RNF216: variants seen among roughly 807,000 people sequenced by gnomAD.
The protein encoded by RNF216 is E3 ubiquitin-protein ligase RNF216.
Under a neutral mutation model 110.8 loss-of-function variants are expected in RNF216, and 72 were observed. The ratio of observed to expected loss-of-function variants is 0.65; its 90% CI spans 0.54 to 0.79. The LOEUF is 0.79. Among genes scored for constraint, RNF216 ranks in the 30% least tolerant of loss-of-function variants. RNF216 has a pLI of 0.00. For missense variants in RNF216, 1,342 were observed against 1,141.2 expected (o/e 1.18, Z -2.54); for synonymous variants, 495 against 407.5 (o/e 1.21, Z -2.59).
chr7:5,668,931 C>T (rs1052218362), intron 13 of RNF216, among the ~76,000 whole-genome samples: 2 of 152,230 alleles, frequency 1.3e-5, no homozygotes, highest in Non-Finnish European at 1.5e-5. Flanking sequence ...ACTACTTTCA[C>T]ACCTTCACTC....
intron 9 of RNF216, among the ~76,000 whole-genome samples, chr7:5,718,174 A>T (rs1164337624): frequency 6.6e-6 from 1 of 152,090 alleles, no homozygotes; most frequent in African/African-American, 2.4e-5. Flanking sequence ...TAAGGTCAGG[A>T]GTTTGACACC....
At chr7:5,755,273 A>G (rs1231493847) in intron 2 of RNF216, among the ~76,000 whole-genome samples, 2 of 151,750 alleles carry the variant, frequency 1.3e-5, no homozygotes, top group Non-Finnish European at 2.9e-5. Flanking sequence ...GAAGGAACCT[A>G]TCACCTTATA....
chr7:5,705,771 G>T (rs1174816758), intron 13 of RNF216, among the ~76,000 whole-genome samples: 1 of 152,092 alleles, frequency 6.6e-6, no homozygotes, highest in African/African-American at 2.4e-5. Context: ...GCCGGGCGTG[G>T]TGGCACATGC....
intron 15 of RNF216, among the ~76,000 whole-genome samples, chr7:5,627,935 C>G (rs1230350138): frequency 6.6e-6 from 1 of 152,118 alleles, no homozygotes; most frequent in Admixed American, 6.5e-5. Context: ...TCCCAGTGCT[C>G]CTGAATAAAT....
At chr7:5,648,773 A>G (rs1788207027) in intron 14 of RNF216, among the ~76,000 whole-genome samples, 1 of 151,998 alleles carries the variant, frequency 6.6e-6, no homozygotes, top group Admixed American at 6.6e-5. Context: ...AGGGGACAGA[A>G]GAACAAGTTA....
At chr7:5,765,417 T>C (rs968474399) in intron 1 of RNF216, among the ~76,000 whole-genome samples, 2 of 150,612 alleles carry the variant, frequency 1.3e-5, no homozygotes, top group Non-Finnish European at 1.5e-5. Flanking sequence ...TGAGCTGAGA[T>C]TGTGCCACTG....
At chr7:5,699,624 C>A (rs923359171) in intron 13 of RNF216, among the ~76,000 whole-genome samples, 1 of 152,224 alleles carries the variant, frequency 6.6e-6, no homozygotes, top group East Asian at 1.9e-4. Flanking sequence ...ATTCACAGTC[C>A]ATCTTCCCAG....
chr7:5,669,615 AGGT>A (rs1398520265), intron 13 of RNF216, among the ~76,000 whole-genome samples: 1 of 152,196 alleles, frequency 6.6e-6, no homozygotes, highest in African/African-American at 2.4e-5. Context: ...TGTGTTGGCC[AGGT>A]GCAGTGGTTC....
chr7:5,687,790 A>C (rs182057349), intron 13 of RNF216, among the ~76,000 whole-genome samples: 6 of 152,334 alleles, frequency 3.9e-5, no homozygotes, highest in Non-Finnish European at 8.8e-5. Context: ...CTAAGTTTAA[A>C]GGTGCTAAGA....
intron 3 of RNF216, among the ~76,000 whole-genome samples, chr7:5,747,736 G>A (rs1224554185): frequency 1.1e-5 from 1 of 90,558 alleles, no homozygotes; most frequent in African/African-American, 4.0e-5. Flanking sequence ...GGCAACAGGA[G>A]ACTCCATCTC....
At chr7:5,777,601 G>A (rs948824622) in intron 1 of RNF216, 1 of 152,230 alleles carries the variant, frequency 6.6e-6, no homozygotes, top group South Asian at 2.1e-4. Context: ...CCTAGACGCT[G>A]AGATCAGGTG....
At chr7:5,683,907 A>G (rs972161490) in intron 13 of RNF216, among the ~76,000 whole-genome samples, 39 of 152,234 alleles carry the variant, frequency 2.6e-4, no homozygotes, top group African/African-American at 7.9e-4. Flanking sequence ...CAGCCTGCAC[A>G]GAGAATAGGG....
In RNF216 at chr7:5,725,359, T is replaced by C. The variant is rs778525036; in HGVS notation, c.1469A>G (p.Asn490Ser). ...SGKRKKRKQM[N>S]QYSYIDFKFE... is the part of the protein sequence containing the mutation. ...CTTGAAATCAATGTAAGAATACTGG[T>C]TCATTTGTTTTCTCTTCTTCCTTTT... Residue 490 changes from asparagine to serine, a missense_variant, in exon 8 of 17, where the codon AAC becomes AGC. Physicochemically the swap from Asn to Ser is conservative, Grantham distance 46 (BLOSUM62 1). Transcript: ENST00000389902. 2.6e-5 allele frequency: 42 copies of C among 1,612,826 alleles called. No homozygotes were observed. The highest frequency in any genetic ancestry group is 3.3e-5 in the Non-Finnish European group (39 of 1,178,900).
chr7:5,649,604 T>TG (rs1335738949), intron 14 of RNF216: 18 of 152,028 alleles, frequency 1.2e-4, no homozygotes, highest in African/African-American at 3.6e-4. Flanking sequence ...TTGAAGCCCG[T>TG]GGAGCACCCT....
intron 1 of RNF216, among the ~76,000 whole-genome samples, chr7:5,765,996 G>C (rs1033495691): frequency 6.7e-6 from 1 of 149,928 alleles, no homozygotes; most frequent in African/African-American, 2.5e-5. Context: ...CATGAATCCA[G>C]GCTGGGCACA....
intron 8 of RNF216, 46 bp from the exon 9 acceptor site, chr7:5,721,218 T>C (rs746356228): frequency 3.8e-6 from 6 of 1,588,562 alleles, no homozygotes; most frequent in Non-Finnish European, 5.2e-6. Flanking sequence ...AACTATGTGT[T>C]AGGAACCTGG....
rs1584493616 is a variant in RNF216, at chr7:5,711,970, T to C, written c.1983-131A>G. ...TCACATCCCCTTTATACTCCTTAGT[T>C]TTCCTTAAAAACACAGATTGAACCT... On this transcript the variant is annotated intron_variant, in intron 12 of 16. Coordinates refer to ENST00000389902, the MANE Select transcript of RNF216 (RefSeq NM_207111.4). 4 of 720,834 alleles carry C rather than the reference T, an allele frequency of 5.5e-6. No homozygotes were observed. In the East Asian group the frequency reaches 1.1e-4, roughly 20 times the overall value. The allele number at this position is 720,834 out of a possible 1,614,324, so 44.7% of individuals were successfully genotyped here. A position where few individuals can be genotyped will look rare whatever the true frequency, so the allele number is the denominator to read the frequency against.
chr7:5,739,493 A>C (rs1254399088), intron 4 of RNF216, 141 bp from the exon 5 acceptor site: 1 of 795,084 alleles, frequency 1.3e-6, no homozygotes. Flanking sequence ...GTGTCTTCAA[A>C]TTCAACACTA....
rs1056168313 is a variant in RNF216, at chr7:5,622,794, G to A, written c.*66C>T. On this transcript the variant is annotated 3_prime_UTR_variant, in exon 17 of 17. Transcript: ENST00000389902. ...AATGGTACAGACACCAGCCTTGGGG[G>A]AGGGTTCTCCATCCACACTCCTACC... 6.9e-7 allele frequency: 1 copy of A among 1,448,302 alleles called. No homozygotes were observed. The highest frequency in any genetic ancestry group is 1.4e-5 in the African/African-American group (1 of 71,950). The allele number at this position is 1,448,302 out of a possible 1,614,324, so 89.7% of individuals were successfully genotyped here.
Sources: allele counts gnomAD v4.1 joint callset (sites outside exome capture counted in the v4.1 genomes callset), GRCh38; gene constraint gnomAD v4.1.1; transcripts MANE v1.5; gene names NCBI Gene and HGNC (gene_info 2026-07-23, HGNC 2026-07-21).